Variants in NR2F1-AS1 observed in about 807,000 individuals in gnomAD.
NR2F1-AS1 encodes the protein NR2F1 antisense RNA 1.
intron 4 of NR2F1-AS1, among the ~76,000 whole-genome samples, chr5:93,487,110 G>A (rs996951096): frequency 7.2e-5 from 11 of 152,150 alleles, no homozygotes; most frequent in Admixed American, 1.3e-4. Context: ...AATAATAAGA[G>A]CTATTTATGA....
intron 4 of NR2F1-AS1, among the ~76,000 whole-genome samples, chr5:93,498,663 A>C (rs745880841): frequency 9.2e-5 from 14 of 152,174 alleles, no homozygotes; most frequent in Non-Finnish European, 1.5e-4. Flanking sequence ...TTTCAATGAA[A>C]CATCTATACT....
chr5:93,503,979 C>T (rs1751136009), intron 4 of NR2F1-AS1, among the ~76,000 whole-genome samples: 1 of 152,120 alleles, frequency 6.6e-6, no homozygotes, highest in Non-Finnish European at 1.5e-5. Context: ...TCTAGGAATT[C>T]CTAAGACAGT....
intron 4 of NR2F1-AS1, among the ~76,000 whole-genome samples, chr5:93,514,548 A>C (rs1415792314): frequency 6.6e-6 from 1 of 152,070 alleles, no homozygotes; most frequent in Non-Finnish European, 1.5e-5. Context: ...GAGAGTATGT[A>C]AGCGCTGACA....
In NR2F1-AS1 at chr5:93,541,190, G is replaced by A. The variant is rs140585380; in HGVS notation, n.638+12571C>T. Reference sequence around the variant, plus strand: ...GTCTTTCACCACATTGAGGTAGGAGGGGTAAATTGGAAGGAGGTGAGAATG... The same window carrying A: ...GTCTTTCACCACATTGAGGTAGGAGAGGTAAATTGGAAGGAGGTGAGAATG... On this transcript the variant is annotated intron_variant and non_coding_transcript_variant, in intron 4 of 5. Transcript: ENST00000660523. Among the ~76,000 whole-genome samples the A allele has an allele frequency of 3.7e-4, 57 of 152,272 alleles. 1 individual carries two copies. The East Asian group carries it at 8.1e-3, about 22-fold the overall frequency.
intron 4 of NR2F1-AS1, among the ~76,000 whole-genome samples, chr5:93,445,466 G>C (rs1156516504): frequency 2.0e-5 from 3 of 151,910 alleles, no homozygotes; most frequent in Admixed American, 1.3e-4. Flanking sequence ...ATAAATTCCT[G>C]GACACATACA....
At chr5:93,466,654 T>C (rs1750239634) in intron 4 of NR2F1-AS1, among the ~76,000 whole-genome samples, 1 of 151,978 alleles carries the variant, frequency 6.6e-6, no homozygotes, top group South Asian at 2.1e-4. Context: ...TCCTTTGCTA[T>C]TAATCAGTAG....
At chr5:93,414,860 C>T (rs1288242814) in intron 4 of NR2F1-AS1, among the ~76,000 whole-genome samples, 1 of 151,988 alleles carries the variant, frequency 6.6e-6, no homozygotes, top group East Asian at 1.9e-4. Flanking sequence ...TATGTAAGAA[C>T]ATTAGGCCCC....
At chr5:93,429,119 C>T (rs1749256466) in intron 4 of NR2F1-AS1, among the ~76,000 whole-genome samples, 1 of 152,158 alleles carries the variant, frequency 6.6e-6, no homozygotes. Flanking sequence ...ATGTATGATA[C>T]TTGAGCCACT....
At chr5:93,425,225 ATGG>A (rs1749170995) in intron 4 of NR2F1-AS1, among the ~76,000 whole-genome samples, 1 of 152,178 alleles carries the variant, frequency 6.6e-6, no homozygotes. Context: ...TTGTGATCAA[ATGG>A]TGGATCAGCT....
chr5:93,447,309 C>T (rs904437116), intron 4 of NR2F1-AS1, among the ~76,000 whole-genome samples: 3 of 152,092 alleles, frequency 2.0e-5, no homozygotes, highest in African/African-American at 7.2e-5. Context: ...ACCCGTCTGA[C>T]AAAGGGCTAA....
intron 4 of NR2F1-AS1, among the ~76,000 whole-genome samples, chr5:93,527,836 A>G (rs1016743506): frequency 2.0e-5 from 3 of 152,228 alleles, no homozygotes; most frequent in Admixed American, 2.0e-4. Context: ...CACCTTACAC[A>G]AAAATTAACT....
intron 4 of NR2F1-AS1, among the ~76,000 whole-genome samples, chr5:93,427,524 A>C (rs1375381749): frequency 6.6e-6 from 1 of 152,142 alleles, no homozygotes; most frequent in Non-Finnish European, 1.5e-5. Flanking sequence ...CCCCAGCTAC[A>C]TTGTAAACTT....
At chr5:93,496,431 C>T (rs939057575) in intron 4 of NR2F1-AS1, among the ~76,000 whole-genome samples, 1 of 152,150 alleles carries the variant, frequency 6.6e-6, no homozygotes. Context: ...TGTAGAAGGA[C>T]ACACCCTCTT....
chr5:93,471,241 G>A (rs1750357957), intron 4 of NR2F1-AS1, among the ~76,000 whole-genome samples: 1 of 151,814 alleles, frequency 6.6e-6, no homozygotes, highest in African/African-American at 2.4e-5. Context: ...TCTCATTTGG[G>A]GTGGGCAGAA....
chr5:93,439,461 AT>A (rs1368348954), intron 4 of NR2F1-AS1, among the ~76,000 whole-genome samples: 22 of 152,110 alleles, frequency 1.4e-4, no homozygotes, highest in African/African-American at 4.3e-4. Context: ...CGCCCGGCTA[AT>A]TTTTTGTATT....
upstream of NR2F1-AS1, chr5:93,585,582 G>A (rs987580492): frequency 9.1e-6 from 9 of 991,462 alleles, no homozygotes; most frequent in Admixed American, 4.3e-5. Context: ...TGGGGCTGGG[G>A]CTCCTGTGGT....
At chr5:93,511,326 C>T (rs925202387) in intron 4 of NR2F1-AS1, among the ~76,000 whole-genome samples, 1 of 152,158 alleles carries the variant, frequency 6.6e-6, no homozygotes, top group Non-Finnish European at 1.5e-5. Flanking sequence ...GGGTCTTCTC[C>T]TGCTGCTGGA....
chr5:93,529,990 A>T (rs1367631819), intron 4 of NR2F1-AS1, among the ~76,000 whole-genome samples: 5 of 152,116 alleles, frequency 3.3e-5, no homozygotes, highest in Admixed American at 3.3e-4. Flanking sequence ...CACAGAAGTC[A>T]TAAAAGACAG....
At chr5:93,472,425 T>C (rs1038340645) in intron 4 of NR2F1-AS1, among the ~76,000 whole-genome samples, 1 of 151,886 alleles carries the variant, frequency 6.6e-6, no homozygotes, top group Non-Finnish European at 1.5e-5. Context: ...TAAATACTTG[T>C]GTTATTGAAC....
Sources: allele counts gnomAD v4.1 joint callset (sites outside exome capture counted in the v4.1 genomes callset), GRCh38; gene constraint gnomAD v4.1.1; transcripts MANE v1.5; gene names NCBI Gene and HGNC (gene_info 2026-07-23, HGNC 2026-07-21).